WDFY4: variants seen among roughly 807,000 people sequenced by gnomAD.
WDFY4 encodes the protein WDFY family member 4.
WDFY4 carries 169 observed loss-of-function variants against 351.9 expected under a neutral mutation model. That is an observed-to-expected ratio of 0.48 (90% CI 0.42 to 0.55). The LOEUF is 0.55. Ranked by LOEUF, WDFY4 falls within the 20% of genes least tolerant of loss-of-function variation. The pLI is 0.00. For synonymous variants in WDFY4, 1,622 were observed against 1,574.6 expected (o/e 1.03, Z -0.71); for missense variants, 3,803 against 3,935.6 (o/e 0.97, Z 0.90).
chr10:48,847,212 G>C (rs1416766294), intron 39 of WDFY4, among the ~76,000 whole-genome samples: 1 of 152,114 alleles, frequency 6.6e-6, no homozygotes, highest in East Asian at 1.9e-4. Flanking sequence ...CACGTGGTCT[G>C]TCCTCTGTAC....
intron 2 of WDFY4, among the ~76,000 whole-genome samples, chr10:48,712,541 A>G (rs1311741225): frequency 6.6e-6 from 1 of 152,218 alleles, no homozygotes; most frequent in Non-Finnish European, 1.5e-5. Context: ...CCTATGAAAC[A>G]TGGTTTCTAT....
chr10:48,846,926 C>G (rs1414241641), intron 39 of WDFY4, among the ~76,000 whole-genome samples: 1 of 152,138 alleles, frequency 6.6e-6, no homozygotes, highest in Non-Finnish European at 1.5e-5. Context: ...AGAGATCTCC[C>G]CATAGACTCC....
Position 48,783,138 on chromosome 10 carries a change from C to T in WDFY4, c.3576+3019C>T, listed in dbSNP as rs187618737. Among the ~76,000 whole-genome samples, 8 of 152,292 alleles carry T rather than the reference C, an allele frequency of 5.3e-5. No homozygotes were observed. The East Asian group carries it at 1.3e-3, about 26-fold the overall frequency. On this transcript the variant is annotated intron_variant, in intron 19 of 61. Transcript: ENST00000325239. ...CATTTAGAAAAATACAGTCATCCCT[C>T]AGTTTCCTCAGGGGATTGGCTCCAG...
In WDFY4 at chr10:48,886,178, A is replaced by G. The variant is rs902350591; in HGVS notation, c.7168-4401A>G. On this transcript the variant is annotated intron_variant, in intron 43 of 61. Coordinates refer to ENST00000325239, the MANE Select transcript of WDFY4 (RefSeq NM_001394531.1). ...TCTCTGGACCTCAGTTTTCCTACCT[A>G]TAAAATCAGGGTATTTCACCAAGTT... Among the ~76,000 whole-genome samples, 6 of 152,166 alleles carry G rather than the reference A, an allele frequency of 3.9e-5. No individual in the cohort carries two copies. In the East Asian group the frequency reaches 1.2e-3, roughly 29 times the overall value.
At chr10:48,718,280 T>G (rs2063970945) in intron 2 of WDFY4, among the ~76,000 whole-genome samples, 1 of 152,222 alleles carries the variant, frequency 6.6e-6, no homozygotes, top group African/African-American at 2.4e-5. Flanking sequence ...GCACGCATTG[T>G]GAATATTTTC....
chr10:48,972,347 C>G (rs1842374071), intron 57 of WDFY4, among the ~76,000 whole-genome samples: 1 of 152,286 alleles, frequency 6.6e-6, no homozygotes, highest in East Asian at 1.9e-4. Context: ...ACTTCAAAGA[C>G]AAACAATTCT....
At chr10:48,824,760 C>T in intron 35 of WDFY4, among the ~76,000 whole-genome samples, 1 of 152,174 alleles carries the variant, frequency 6.6e-6, no homozygotes, top group Non-Finnish European at 1.5e-5. Flanking sequence ...CCATCTCAGC[C>T]TCCAAGTAGC....
At chr10:48,969,005 C>T (rs374343347) in intron 55 of WDFY4, 59 bp from the exon 56 acceptor site, 1 of 1,515,956 alleles carries the variant, frequency 6.6e-7, no homozygotes, top group East Asian at 2.5e-5. Context: ...GCCTGGGGGC[C>T]CAGCTGTAGT....
chr10:48,958,418 G>A (rs1039247653), intron 52 of WDFY4, among the ~76,000 whole-genome samples: 9 of 152,284 alleles, frequency 5.9e-5, no homozygotes, highest in African/African-American at 7.2e-5. Context: ...TGGCCAGCCC[G>A]GGGTTAGAGC....
intron 47 of WDFY4, among the ~76,000 whole-genome samples, chr10:48,925,580 C>T (rs1469843439): frequency 6.6e-6 from 1 of 152,158 alleles, no homozygotes; most frequent in Admixed American, 6.5e-5. Context: ...CCACTAACTG[C>T]CCCAATGTGA....
At chr10:48,730,623 T>C (rs2064429159) in intron 8 of WDFY4, among the ~76,000 whole-genome samples, 1 of 152,226 alleles carries the variant, frequency 6.6e-6, no homozygotes, top group Non-Finnish European at 1.5e-5. Flanking sequence ...TTTAATCCGC[T>C]GAAACCAATC....
intron 47 of WDFY4, among the ~76,000 whole-genome samples, chr10:48,929,972 T>A (rs1839891800): frequency 6.6e-6 from 1 of 152,182 alleles, no homozygotes; most frequent in Admixed American, 6.5e-5. Flanking sequence ...CTAAATGTAG[T>A]TTATGATGCA....
chr10:48,816,766 T>A (rs2132957353), intron 31 of WDFY4, among the ~76,000 whole-genome samples: 1 of 152,202 alleles, frequency 6.6e-6, no homozygotes, highest in Non-Finnish European at 1.5e-5. Flanking sequence ...ACAGCAAACA[T>A]AAAAAGGTTA....
intron 35 of WDFY4, 22 bp from the exon 36 acceptor site, chr10:48,826,649 G>C: frequency 6.6e-7 from 1 of 1,523,172 alleles, no homozygotes. Context: ...TTGTGTATGT[G>C]TATGTTTTTT....
rs73310032 is a variant in WDFY4, at chr10:48,799,641, C to T, written c.4410+3191C>T. On this transcript the variant is annotated intron_variant, in intron 24 of 61. Coordinates refer to ENST00000325239, the MANE Select transcript of WDFY4 (RefSeq NM_001394531.1). ...TACAAAAATTAGGTGGGCATAGTTGCGGGCGCCTGTAATCCCAGCTAGTCG... is the reference window on the plus strand; with the variant it reads ...TACAAAAATTAGGTGGGCATAGTTGTGGGCGCCTGTAATCCCAGCTAGTCG... 1.3e-4 allele frequency among the ~76,000 whole-genome samples: 20 copies of T among 152,132 alleles called. No homozygotes were observed. In the South Asian group the frequency reaches 2.1e-3, roughly 16 times the overall value.
chr10:48,726,777 A>G lies in WDFY4; in HGVS notation c.782-693A>G, dbSNP rs930874580. ...TGAGCTTGCATTATCTCAAGCTCTC[A>G]TAGGTACTTTCTCTGATCCACTGGA... is the stretch of plus-strand genomic sequence containing the variant. On this transcript the variant is annotated intron_variant, in intron 6 of 61. Transcript: ENST00000325239. Among the ~76,000 whole-genome samples the G allele has an allele frequency of 4.6e-5, 7 of 152,226 alleles. No individual in the cohort carries two copies. In the South Asian group the frequency reaches 1.4e-3, roughly 31 times the overall value.
At chr10:48,910,515 A>G (rs1589856544) in intron 47 of WDFY4, among the ~76,000 whole-genome samples, 1 of 152,356 alleles carries the variant, frequency 6.6e-6, no homozygotes, top group East Asian at 1.9e-4. Context: ...CACCAACATC[A>G]AACCTTTTCC....
Position 48,974,519 on chromosome 10 carries a change from A to AAAAAAAAAAAAAAC in WDFY4, c.8929-333_8929-332insAAACAAAAAAAAAA, listed in dbSNP as rs1352344126. Among the ~76,000 whole-genome samples the AAAAAAAAAAAAAAC allele has an allele frequency of 6.0e-4, 30 of 49,962 alleles. 7 individuals are homozygous for AAAAAAAAAAAAAAC. Among genetic ancestry groups the AAAAAAAAAAAAAAC allele is most frequent in the Non-Finnish European group, 7.9e-4 (22 of 27,740 alleles). 32.8% of individuals were successfully genotyped at this position (49,962 alleles called of 152,430 possible). The stretch of plus-strand genomic sequence containing the variant: ...CTCCGTCTCAAAAAAAAAAAAAAAA[A>AAAAAAAAAAAAAAC]AAAAAAAAAACAACTCATGACATGA... On this transcript the variant is annotated intron_variant, in intron 57 of 61. Coordinates refer to ENST00000325239, the MANE Select transcript of WDFY4 (RefSeq NM_001394531.1).
chr10:48,725,827 G>T (rs1392899075), intron 5 of WDFY4, 54 bp from the exon 6 acceptor site: 7 of 1,482,648 alleles, frequency 4.7e-6, no homozygotes, highest in Non-Finnish European at 6.4e-6. Context: ...ATCCATCTGA[G>T]GAAGGAGACT....
Sources: allele counts gnomAD v4.1 joint callset (sites outside exome capture counted in the v4.1 genomes callset), GRCh38; gene constraint gnomAD v4.1.1; transcripts MANE v1.5; gene names NCBI Gene and HGNC (gene_info 2026-07-23, HGNC 2026-07-21).